The following GRIK4 variants were observed in gnomAD, a reference collection of about 807,000 sequenced individuals.
GRIK4 encodes glutamate receptor ionotropic, kainate 4.
GRIK4 carries 40 observed loss-of-function variants against 104.9 expected under a neutral mutation model. That is an observed-to-expected ratio of 0.38 (90% CI 0.30 to 0.50). The LOEUF (loss-of-function observed/expected upper bound fraction) is 0.50, where lower values mean the gene tolerates loss of function less well. GRIK4 is among the 20% of genes least tolerant of loss of function. GRIK4 has a pLI of 0.93. For missense variants in GRIK4, 1,047 were observed against 1,308.1 expected, an observed-to-expected ratio of 0.80 and a Z score of 3.08; for synonymous variants, 485 against 524.9, an observed-to-expected ratio of 0.92 and a Z score of 1.04.
intron 18 of GRIK4, among the ~76,000 whole-genome samples, chr11:120,964,116 C>T (rs1282907372): frequency 1.3e-5 from 2 of 151,980 alleles, no homozygotes; most frequent in Admixed American, 6.6e-5. Flanking sequence ...CTCAGCCTCC[C>T]GAGTAGCTGG....
chr11:120,604,914 G>A (rs75088398), intron 1 of GRIK4, among the ~76,000 whole-genome samples: 6,060 of 152,288 alleles, frequency 0.04, 415 homozygotes, highest in African/African-American at 0.14. Context: ...CCAGGCCAGA[G>A]TGCAGTGGTA....
At chr11:120,698,814 A>G (rs959415524) in intron 3 of GRIK4, among the ~76,000 whole-genome samples, 1 of 152,168 alleles carries the variant, frequency 6.6e-6, no homozygotes, top group Non-Finnish European at 1.5e-5. Context: ...GGGAGGCATA[A>G]CACAGATCTT....
chr11:120,724,215 C>T (rs980021931), intron 3 of GRIK4, among the ~76,000 whole-genome samples: 19 of 152,154 alleles, frequency 1.2e-4, no homozygotes, highest in African/African-American at 4.3e-4. Context: ...GTGGCATGAT[C>T]GTAGCTCACT....
intron 14 of GRIK4, among the ~76,000 whole-genome samples, chr11:120,941,114 C>T (rs1943713346): frequency 6.6e-6 from 1 of 152,196 alleles, no homozygotes; most frequent in Non-Finnish European, 1.5e-5. Flanking sequence ...TGGGTCTCAT[C>T]CATCAGTGAA....
chr11:120,856,035 C>G (rs1412218972), intron 8 of GRIK4, among the ~76,000 whole-genome samples: 2 of 152,230 alleles, frequency 1.3e-5, no homozygotes, highest in African/African-American at 4.8e-5. Flanking sequence ...TGGGGCAGTG[C>G]ACCCACTTTG....
intron 1 of GRIK4, among the ~76,000 whole-genome samples, chr11:120,595,722 G>T (rs1948791898): frequency 6.6e-6 from 1 of 152,118 alleles, no homozygotes; most frequent in Non-Finnish European, 1.5e-5. Context: ...TCTTCTGTAG[G>T]TCTCAGCTGA....
intron 4 of GRIK4, 97 bp from the exon 5 acceptor site, chr11:120,815,281 G>A (rs1952920914): frequency 2.8e-6 from 2 of 706,514 alleles, no homozygotes; most frequent in Admixed American, 4.8e-5. Context: ...TGCAGAAGGT[G>A]AGGGGGCAGC....
rs1942774643 is a variant in GRIK4 at position 120,902,929 on chromosome 11, C to T, written c.1273-2361C>T. Reference sequence around the variant, plus strand: ...CAGTGGACTCATCCAGAATCAGAATCACGTCACCTTCCACTCAGAGCTCCC... The same window carrying T: ...CAGTGGACTCATCCAGAATCAGAATTACGTCACCTTCCACTCAGAGCTCCC... On this transcript the variant is annotated intron_variant, in intron 12 of 20. Coordinates refer to ENST00000527524, the MANE Select transcript of GRIK4 (RefSeq NM_014619.5). This position sits in a 1 kb window ranked among gnomAD's most constrained non-coding sequence, Gnocchi z 4.5. 6.6e-6 allele frequency among the ~76,000 whole-genome samples: 1 copy of T among 152,150 alleles called. No homozygotes were observed. The highest frequency in any genetic ancestry group is 1.5e-5 in the Non-Finnish European group (1 of 68,026).
At chr11:120,758,399 G>A (rs1951689006) in intron 3 of GRIK4, among the ~76,000 whole-genome samples, 1 of 152,016 alleles carries the variant, frequency 6.6e-6, no homozygotes, top group Admixed American at 6.6e-5. Flanking sequence ...TCCAGCTCTA[G>A]AGTCTCGTAA....
rs765774435 is a variant in GRIK4, at chr11:120,905,071, CTG to C, written c.1273-213_1273-212del. ...CTGACCCTCCATGCAGTGGGAACCA[CTG>C]TGTGTTCCTGACAACAGAAGCACCT... On this transcript the variant is annotated intron_variant, in intron 12 of 20. Coordinates refer to ENST00000527524, the MANE Select transcript of GRIK4 (RefSeq NM_014619.5). This position sits in a 1 kb window ranked among gnomAD's most constrained non-coding sequence, Gnocchi z 5.1. 9.2e-5 allele frequency among the ~76,000 whole-genome samples: 14 copies of C among 152,214 alleles called. No individual in the cohort carries two copies. The highest frequency in any genetic ancestry group is 1.6e-4 in the Non-Finnish European group (11 of 68,034).
chr11:120,528,990 C>T (rs1171363731), intron 1 of GRIK4, among the ~76,000 whole-genome samples: 1 of 152,182 alleles, frequency 6.6e-6, no homozygotes, highest in Non-Finnish European at 1.5e-5. Context: ...GGCTCCCTGC[C>T]TCAGGACCTT....
intron 1 of GRIK4, among the ~76,000 whole-genome samples, chr11:120,536,269 C>T (rs1352252338): frequency 2.6e-5 from 4 of 152,198 alleles, no homozygotes; most frequent in African/African-American, 9.7e-5. Flanking sequence ...AAGAGGAGCT[C>T]GCGGGGCTGG....
At chr11:120,886,969 C>T (rs1286207940) in intron 11 of GRIK4, among the ~76,000 whole-genome samples, 1 of 152,206 alleles carries the variant, frequency 6.6e-6, no homozygotes, top group Non-Finnish European at 1.5e-5. Flanking sequence ...GCAAATGGAT[C>T]ATCATAGAGT....
chr11:120,979,800 C>A (rs542505875), intron 19 of GRIK4, among the ~76,000 whole-genome samples: 3 of 152,086 alleles, frequency 2.0e-5, no homozygotes, highest in Admixed American at 2.0e-4. Context: ...AAGAGGAATG[C>A]GAGACCCTCT....
intron 11 of GRIK4, among the ~76,000 whole-genome samples, chr11:120,886,619 G>C (rs1032602645): frequency 1.3e-5 from 2 of 152,102 alleles, no homozygotes; most frequent in African/African-American, 2.4e-5. Flanking sequence ...AAAATGGTTC[G>C]GTATTCCCTA....
intron 3 of GRIK4, among the ~76,000 whole-genome samples, chr11:120,722,680 C>A (rs1296888688): frequency 6.6e-6 from 1 of 152,128 alleles, no homozygotes; most frequent in Non-Finnish European, 1.5e-5. Context: ...AGGCTGACTC[C>A]CGACTTGGGC....
At chr11:120,580,986 C>T (rs574172566) in intron 1 of GRIK4, among the ~76,000 whole-genome samples, 2 of 152,260 alleles carry the variant, frequency 1.3e-5, no homozygotes, top group Admixed American at 1.3e-4. Context: ...ATGGTTGTAT[C>T]TCATGGTAGT....
chr11:120,920,831 A>G (rs1294998039), intron 13 of GRIK4, among the ~76,000 whole-genome samples: 6 of 152,140 alleles, frequency 3.9e-5, no homozygotes, highest in South Asian at 4.1e-4. Flanking sequence ...CATTTCCTCT[A>G]TGCCCTGCCT....
At chr11:120,738,650 A>G (rs1304550472) in intron 3 of GRIK4, among the ~76,000 whole-genome samples, 1 of 152,208 alleles carries the variant, frequency 6.6e-6, no homozygotes, top group Non-Finnish European at 1.5e-5. Context: ...ATGCAGGGCA[A>G]GCAGGGCCTG....
Sources: gnomAD v4.1 joint callset for allele counts (sites outside exome capture counted in the v4.1 genomes callset) on GRCh38, gnomAD v4.1.1 for gene constraint, Gnocchi (gnomAD v3.1) non-coding constraint, MANE v1.5 for transcripts, NCBI Gene and HGNC (gene_info 2026-07-23, HGNC 2026-07-21) for gene names.